Variants in SORBS2 observed in about 807,000 individuals in gnomAD.
The protein encoded by SORBS2 is sorbin and SH3 domain containing 2.
In SORBS2, 46 loss-of-function variants were observed where a neutral mutation model predicts 97.7. The ratio of observed to expected loss-of-function variants is 0.47; its 90% CI spans 0.37 to 0.60. The LOEUF (loss-of-function observed/expected upper bound fraction) is 0.60, where lower values mean the gene tolerates loss of function less well. SORBS2 is among the 20% of genes least tolerant of loss of function. The pLI is 0.00. For synonymous variants in SORBS2, 476 were observed against 473.4 expected (o/e 1.01, Z -0.07); for missense variants, 1,316 against 1,282.3 (o/e 1.03, Z -0.40).
intron 2 of SORBS2, among the ~76,000 whole-genome samples, chr4:185,734,669 C>A (rs936962893): frequency 2.6e-5 from 4 of 152,190 alleles, no homozygotes; most frequent in African/African-American, 9.7e-5. Flanking sequence ...CTTTCCAACT[C>A]TGCATAGGAT....
At chr4:185,943,165 T>A (rs1340316438) in intron 1 of SORBS2, among the ~76,000 whole-genome samples, 12 of 152,174 alleles carry the variant, frequency 7.9e-5, no homozygotes, top group Admixed American at 7.9e-4. Context: ...TCAAACACAT[T>A]CAGAAAAGAG....
At chr4:185,644,441 C>T (rs995706623) in intron 4 of SORBS2, among the ~76,000 whole-genome samples, 8 of 152,162 alleles carry the variant, frequency 5.3e-5, no homozygotes, top group African/African-American at 1.9e-4. Context: ...ATTTATACTG[C>T]AAAATCATCA....
At chr4:185,703,714 C>A (rs1202327643) in intron 2 of SORBS2, among the ~76,000 whole-genome samples, 1 of 152,196 alleles carries the variant, frequency 6.6e-6, no homozygotes, top group African/African-American at 2.4e-5. Flanking sequence ...CTATGACCCA[C>A]AAAAACTTCA....
At chr4:185,865,161 G>C (rs751493251) in intron 1 of SORBS2, among the ~76,000 whole-genome samples, 17 of 152,142 alleles carry the variant, frequency 1.1e-4, no homozygotes, top group Non-Finnish European at 2.4e-4. Flanking sequence ...CCAAGATGGA[G>C]TAATTTAGAG....
chr4:185,708,113 A>G (rs6552912), intron 2 of SORBS2, among the ~76,000 whole-genome samples: 12,065 of 152,184 alleles, frequency 0.079, 937 homozygotes, highest in East Asian at 0.2. Context: ...TGACCCTCAT[A>G]AAATCAGATC....
intron 2 of SORBS2, among the ~76,000 whole-genome samples, chr4:185,691,899 C>T (rs992656559): frequency 2.6e-5 from 4 of 152,208 alleles, no homozygotes; most frequent in African/African-American, 4.8e-5. Context: ...CACCCGCCAC[C>T]ACGCTCGGAT....
chr4:185,731,892 ATATATATATATATATATG>A lies in SORBS2; in HGVS notation c.-198+43317_-198+43334del, dbSNP rs1269888342. Among the ~76,000 whole-genome samples the A allele has an allele frequency of 3.2e-3, 299 of 94,710 alleles. 5 individuals are homozygous for A. Among genetic ancestry groups the A allele is most frequent in the African/African-American group, 0.011 (269 of 25,064 alleles). The allele number at this position is 94,710 out of a possible 152,430, so 62.1% of individuals were successfully genotyped here. A position where few individuals can be genotyped will look rare whatever the true frequency, so the allele number is the denominator to read the frequency against. The stretch of plus-strand genomic sequence containing the variant: ...TATATATATATATATATATATATAT[ATATATATATATATATATG>A]TCTGTTTCTCTGTCTCACTCTAGAT... On this transcript the variant is annotated intron_variant, in intron 2 of 20. Coordinates refer to the SORBS2 transcript ENST00000284776.
chr4:185,661,643 T>C (rs760237715), upstream of SORBS2, among the ~76,000 whole-genome samples: 7 of 152,204 alleles, frequency 4.6e-5, no homozygotes, highest in Non-Finnish European at 8.8e-5. Context: ...TCTCCTTGTG[T>C]GAGCCAGTAG....
At chr4:185,588,719 A>T (rs2095850865) in intron 14 of SORBS2, among the ~76,000 whole-genome samples, 1 of 150,806 alleles carries the variant, frequency 6.6e-6, no homozygotes, top group East Asian at 2.0e-4. Flanking sequence ...GGTTCAAGCA[A>T]TTCTCCTGCC....
chr4:185,657,045 TG>T, upstream of SORBS2: 1 of 548,526 alleles, frequency 1.8e-6, no homozygotes, highest in Non-Finnish European at 2.4e-6. Flanking sequence ...TCGCAATGCA[TG>T]TGGGAATTCA....
intron 12 of SORBS2, among the ~76,000 whole-genome samples, chr4:185,599,959 C>T (rs1463533587): frequency 2.0e-5 from 3 of 152,180 alleles, no homozygotes; most frequent in South Asian, 2.1e-4. Flanking sequence ...CTGTGGGAAC[C>T]GCTGAGCCCT....
At chr4:185,643,223 G>T (rs2097155992) in intron 4 of SORBS2, among the ~76,000 whole-genome samples, 1 of 152,244 alleles carries the variant, frequency 6.6e-6, no homozygotes, top group African/African-American at 2.4e-5. Context: ...GGGACCTGGA[G>T]GATGGGATAG....
intron 2 of SORBS2, among the ~76,000 whole-genome samples, chr4:185,707,360 A>G (rs73873319): frequency 0.016 from 2,385 of 152,322 alleles, 64 homozygotes; most frequent in African/African-American, 0.054. Flanking sequence ...GGATTGCAAC[A>G]GTTTATAACA....
At chr4:185,750,764 T>A (rs945251421) in intron 2 of SORBS2, among the ~76,000 whole-genome samples, 9 of 152,200 alleles carry the variant, frequency 5.9e-5, no homozygotes, top group African/African-American at 1.9e-4. Flanking sequence ...ACAATTTGAA[T>A]AAGAAAACTG....
At chr4:185,840,132 T>C (rs2099210593) in intron 1 of SORBS2, among the ~76,000 whole-genome samples, 1 of 152,178 alleles carries the variant, frequency 6.6e-6, no homozygotes, top group South Asian at 2.1e-4. Flanking sequence ...AGGTCACCAG[T>C]AGCAAAGAGT....
intron 2 of SORBS2, among the ~76,000 whole-genome samples, chr4:185,751,904 A>C (rs1415090610): frequency 6.6e-6 from 1 of 152,156 alleles, no homozygotes; most frequent in African/African-American, 2.4e-5. Flanking sequence ...AGTGGTGCTC[A>C]ACCATGGCGA....
intron 1 of SORBS2, among the ~76,000 whole-genome samples, chr4:185,920,787 A>G (rs573491603): frequency 5.3e-5 from 8 of 152,356 alleles, no homozygotes; most frequent in African/African-American, 1.9e-4. Context: ...GCTGATACAA[A>G]GGAAAAGTGA....
intron 1 of SORBS2, among the ~76,000 whole-genome samples, chr4:185,895,474 G>A (rs560678951): frequency 1.3e-3 from 191 of 152,336 alleles, no homozygotes; most frequent in African/African-American, 4.3e-3. Context: ...AAGTGGCAGC[G>A]GCGTGAGCAT....
At chr4:185,637,654 A>T (rs946443294) in intron 4 of SORBS2, among the ~76,000 whole-genome samples, 2 of 152,026 alleles carry the variant, frequency 1.3e-5, no homozygotes, top group Non-Finnish European at 2.9e-5. Context: ...CCTCGAGGAG[A>T]TAATGAAGAC....
Sources: allele counts gnomAD v4.1 joint callset (sites outside exome capture counted in the v4.1 genomes callset), GRCh38; gene constraint gnomAD v4.1.1; transcripts MANE v1.5; gene names NCBI Gene and HGNC (gene_info 2026-07-23, HGNC 2026-07-21).